The following CEP78 variants were observed in gnomAD, a reference collection of about 807,000 sequenced individuals.
CEP78 encodes the protein centrosomal protein of 78 kDa.
In CEP78, 76 loss-of-function variants were observed where a neutral mutation model predicts 81.2. The ratio of observed to expected loss-of-function variants is 0.94; its 90% CI spans 0.78 to 1.13. The LOEUF is 1.13. Ranked by LOEUF, CEP78 falls within the 50% of genes most tolerant of loss-of-function variation. The probability of loss-of-function intolerance (pLI) is 0.00; values close to 1 mark genes in which losing one functional copy is unlikely to be tolerated. For synonymous variants in CEP78, 293 were observed against 301.4 expected, an observed-to-expected ratio of 0.97 and a Z score of 0.29; for missense variants, 918 against 846.8, an observed-to-expected ratio of 1.08 and a Z score of -1.04.
intron 9 of CEP78, among the ~76,000 whole-genome samples, chr9:78,252,730 A>G (rs977215939): frequency 4.6e-5 from 7 of 152,242 alleles, no homozygotes; most frequent in African/African-American, 1.7e-4. Flanking sequence ...TATGTAAAAT[A>G]TCTGTTCAAT....
In CEP78 at chr9:78,274,654, C is replaced by A. The variant is rs371037738; in HGVS notation, c.*3803C>A. Reference sequence around the variant, plus strand: ...GATTCCTATGAAGGTAAAAAACTTACAAAATTCAAAGATCATACAGATCAT... The same window carrying A: ...GATTCCTATGAAGGTAAAAAACTTAAAAAATTCAAAGATCATACAGATCAT... On this transcript the variant is annotated 3_prime_UTR_variant, in exon 17 of 17. Coordinates refer to ENST00000643273, the MANE Select transcript of CEP78 (RefSeq NM_001330691.3). The A allele has an allele frequency of 6.6e-6, 1 of 151,972 alleles. No homozygotes were observed. Among genetic ancestry groups the A allele is most frequent in the Non-Finnish European group, 1.5e-5 (1 of 67,980 alleles). The allele number at this position is 151,972 out of a possible 1,614,324, so 9.4% of individuals were successfully genotyped here.
Position 78,236,360 on chromosome 9 carries a change from T to C in CEP78, c.10T>C (p.Ser4Pro). The change falls in exon 1 of 17, where the codon TCC (serine) becomes CCC (proline). Residue 4 changes from serine (S) to proline (P), a missense_variant. Transcript: ENST00000643273. ...AGGCCGCCCTCGGGCCATGATCGACTCCGTGAAGCTGCGCCGCGACAGCGC... is the reference window on the plus strand; with the variant it reads ...AGGCCGCCCTCGGGCCATGATCGACCCCGTGAAGCTGCGCCGCGACAGCGC... The part of the protein sequence containing the change: MID[S>P]VKLRRDSAAD... 2 of 1,577,722 alleles carry C rather than the reference T, an allele frequency of 1.3e-6. No individual in the cohort carries two copies. Among genetic ancestry groups the C allele is most frequent in the Non-Finnish European group, 1.7e-6 (2 of 1,165,772 alleles).
chr9:78,239,132 G>A (rs1324813666), intron 1 of CEP78, among the ~76,000 whole-genome samples: 3 of 151,352 alleles, frequency 2.0e-5, no homozygotes, highest in South Asian at 2.1e-4. Context: ...GACCATTCTC[G>A]TCAGATATTC....
At chr9:78,250,255 G>C in intron 8 of CEP78, 1 of 398,118 alleles carries the variant, frequency 2.5e-6, no homozygotes, top group Non-Finnish European at 4.4e-6. Context: ...GTAATTTGGA[G>C]ACACAGAGGT....
chr9:78,267,848 A>G (rs1395383556), intron 16 of CEP78, among the ~76,000 whole-genome samples: 2 of 152,118 alleles, frequency 1.3e-5, no homozygotes, highest in African/African-American at 4.8e-5. Context: ...GTCCTTTCCT[A>G]CAACCAGACT....
chr9:78,269,649 C>T (rs1449622004), intron 16 of CEP78, among the ~76,000 whole-genome samples: 1 of 152,046 alleles, frequency 6.6e-6, no homozygotes, highest in African/African-American at 2.4e-5. Flanking sequence ...TCCCAGGTGA[C>T]CTTAATGAGA....
At chr9:78,245,744 TGA>T (rs370530238) in intron 5 of CEP78, among the ~76,000 whole-genome samples, 20 of 152,312 alleles carry the variant, frequency 1.3e-4, no homozygotes, top group African/African-American at 2.6e-4. Context: ...ACCTTTTACT[TGA>T]GAGAGAGTTC....
Position 78,270,849 on chromosome 9 carries a change from T to C in CEP78, c.2116T>C (p.Ter706ArgextTer22), listed in dbSNP as rs1265695977. 2.9e-6 allele frequency: 2 copies of C among 696,034 alleles called. No homozygotes were observed. Among genetic ancestry groups the C allele is most frequent in the Non-Finnish European group, 5.3e-6 (2 of 379,100 alleles). 43.1% of individuals were successfully genotyped at this position (696,034 alleles called of 1,614,324 possible). The change falls in exon 17 of 17, where the codon TGA becomes CGA. Residue 706 changes from the stop codon to arginine, a stop_lost. Transcript: ENST00000643273. ...SEKKTKTESH[*>R] ...TTCTTTTATGCTTCTAGAATCCCAT[T>C]GAAATGACTGGAGAAATATTAAAAT...
intron 3 of CEP78, among the ~76,000 whole-genome samples, chr9:78,241,097 G>C (rs1174314107): frequency 6.6e-6 from 1 of 152,128 alleles, no homozygotes; most frequent in South Asian, 2.1e-4. Flanking sequence ...TGACAGACTT[G>C]GGGGGAAAGG....
rs371037738 is a variant in CEP78 at position 78,274,654 on chromosome 9, C to G, written c.*3803C>G. ...GATTCCTATGAAGGTAAAAAACTTA[C>G]AAAATTCAAAGATCATACAGATCAT... On this transcript the variant is annotated 3_prime_UTR_variant, in exon 17 of 17. Coordinates refer to ENST00000643273, the MANE Select transcript of CEP78 (RefSeq NM_001330691.3). The G allele has an allele frequency of 6.6e-6, 1 of 151,972 alleles. No homozygotes were observed. Among genetic ancestry groups the G allele is most frequent in the African/African-American group, 2.4e-5 (1 of 41,374 alleles). The allele number at this position is 151,972 out of a possible 1,614,324, so 9.4% of individuals were successfully genotyped here.
At position 78,240,010 on chromosome 9, in the gene CEP78, A is replaced by T. The variant is rs769035638; in HGVS notation, c.254-13A>T. 1.3e-6 allele frequency: 2 copies of T among 1,550,628 alleles called. No individual in the cohort carries two copies. The highest frequency in any genetic ancestry group is 1.7e-6 in the Non-Finnish European group (2 of 1,155,950). On this transcript the variant is annotated splice_polypyrimidine_tract_variant and intron_variant, in intron 1 of 16. Coordinates refer to ENST00000643273, the MANE Select transcript of CEP78 (RefSeq NM_001330691.3). ...TGATTGAAGTCACTAACTTTCTTTT[A>T]TCTTTGTTTTAGGTTCTGACATGAA... is the stretch of plus-strand genomic sequence containing the variant.
Position 78,274,197 on chromosome 9 carries a change from T to C in CEP78, c.*3346T>C, listed in dbSNP as rs746082182. The C allele has an allele frequency of 9.9e-5, 15 of 152,212 alleles. No individual in the cohort carries two copies. Among genetic ancestry groups the C allele is most frequent in the African/African-American group, 3.6e-4 (15 of 41,456 alleles). The allele number at this position is 152,212 out of a possible 1,614,324, so 9.4% of individuals were successfully genotyped here. On this transcript the variant is annotated 3_prime_UTR_variant, in exon 17 of 17. Coordinates refer to ENST00000643273, the MANE Select transcript of CEP78 (RefSeq NM_001330691.3). ...GCCACAATTCGGATGAATCTCAACA[T>C]CATATGCTGAGTGAAAAAGCCAGTC...
intron 5 of CEP78, among the ~76,000 whole-genome samples, chr9:78,246,316 T>C (rs1344604579): frequency 6.6e-6 from 1 of 152,104 alleles, no homozygotes; most frequent in Non-Finnish European, 1.5e-5. Context: ...CTGTATAGAA[T>C]TGGCCGGGCG....
rs760631253 is a variant in CEP78, at chr9:78,264,207, C to T, written c.1516C>T (p.His506Tyr). ...NINFSLSEAL[H>Y]AQSLTNMILD... ...AAATTTCTCTTTGTCTGAAGCCCTT[C>T]ATGCACAGTCATTGACAAATATGAT... Residue 506 changes from histidine to tyrosine, a missense_variant, in exon 13 of 17, where the codon CAT becomes TAT. By Grantham distance (83) the His-to-Tyr change is moderately conservative. Coordinates refer to ENST00000643273, the MANE Select transcript of CEP78 (RefSeq NM_001330691.3). The T allele has an allele frequency of 6.3e-7, 1 of 1,595,122 alleles. No homozygotes were observed. The highest frequency in any genetic ancestry group is 8.5e-7 in the Non-Finnish European group (1 of 1,171,838).
chr9:78,260,694 G>A (rs1362183589), intron 11 of CEP78, among the ~76,000 whole-genome samples: 11 of 141,424 alleles, frequency 7.8e-5, no homozygotes, highest in African/African-American at 2.4e-4. Flanking sequence ...GCGACAGAGC[G>A]AGACTCCATC....
chr9:78,268,858 G>A (rs12550938), intron 16 of CEP78, among the ~76,000 whole-genome samples: 6,358 of 151,894 alleles, frequency 0.042, 232 homozygotes, highest in East Asian at 0.1. Flanking sequence ...GGGTTTCACC[G>A]TGTTAGCCAG....
intron 1 of CEP78, among the ~76,000 whole-genome samples, chr9:78,238,442 T>TA (rs534123214): frequency 2.5e-3 from 387 of 152,288 alleles, no homozygotes; most frequent in African/African-American, 9.1e-3. Flanking sequence ...GGACCTAGAT[T>TA]ACCCACAAAG....
rs1826624252 is a variant in CEP78 at position 78,248,843 on chromosome 9, G to A, written c.1039G>A (p.Gly347Ser). Reference sequence around the variant, plus strand: ...AAGGAGAACTATAATTCTAGGAAGTGGTCACAAAGGAAAAGCTACTATTAG... The same window carrying A: ...AAGGAGAACTATAATTCTAGGAAGTAGTCACAAAGGAAAAGCTACTATTAG... ...QKRRTIILGSGHKGKATIRIG... is the reference protein window; with the variant it reads ...QKRRTIILGSSHKGKATIRIG... Residue 347 changes from glycine to serine, a missense_variant, in exon 8 of 17, where the codon GGT (glycine) becomes AGT (serine). Physicochemically the swap from Gly to Ser is moderately conservative, Grantham distance 56. Coordinates refer to ENST00000643273, the MANE Select transcript of CEP78 (RefSeq NM_001330691.3). The A allele has an allele frequency of 1.3e-6, 2 of 1,590,862 alleles. No homozygotes were observed. The highest frequency in any genetic ancestry group is 1.7e-6 in the Non-Finnish European group (2 of 1,168,202).
intron 11 of CEP78, among the ~76,000 whole-genome samples, 173 bp downstream of exon 11, chr9:78,255,137 C>T (rs1414088958): frequency 1.3e-5 from 2 of 152,068 alleles, no homozygotes; most frequent in Non-Finnish European, 2.9e-5. Flanking sequence ...AAAGGGAGGA[C>T]GTCTGCACTC....
Sources: allele counts gnomAD v4.1 joint callset (sites outside exome capture counted in the v4.1 genomes callset), GRCh38; gene constraint gnomAD v4.1.1; transcripts MANE v1.5; gene names NCBI Gene and HGNC (gene_info 2026-07-23, HGNC 2026-07-21).